Variants in VAT1L observed in about 807,000 individuals in gnomAD.
The protein encoded by VAT1L is putative NADPH-dependent quinone oxidoreductase VAT1L.
VAT1L carries 34 observed loss-of-function variants against 44.1 expected under a neutral mutation model. That is an observed-to-expected ratio of 0.77 (90% CI 0.59 to 1.03). VAT1L has a LOEUF of 1.03. Ranked by LOEUF, VAT1L falls within the 50% of genes least tolerant of loss-of-function variation. The probability of loss-of-function intolerance (pLI) is 0.00; values close to 1 mark genes in which losing one functional copy is unlikely to be tolerated. For missense variants in VAT1L, 615 were observed against 538.8 expected (o/e 1.14, Z -1.40); for synonymous variants, 253 against 202.2 (o/e 1.25, Z -2.13).
intron 8 of VAT1L, among the ~76,000 whole-genome samples, chr16:77,975,194 C>CTTTGTTTT (rs2018323495): frequency 2.5e-5 from 1 of 39,836 alleles, no homozygotes; most frequent in Non-Finnish European, 4.2e-5. Flanking sequence ...GGAATGACCA[C>CTTTGTTTT]TTTTTTTTTT....
At position 77,816,928 on chromosome 16, in the gene VAT1L, A is replaced by C. The variant is rs1217285893; in HGVS notation, c.241A>C (p.Asn81His). 6.2e-7 allele frequency: 1 copy of C among 1,613,254 alleles called. No individual in the cohort carries two copies. The highest frequency in any genetic ancestry group is 1.3e-5 in the African/African-American group (1 of 74,878). ...LKIRVKACGL[N>H]FIDLMVRQGN... ...CACATTTGCTCTTTACAGTGGATTA[A>C]ACTTCATTGACTTGATGGTGCGACA... Residue 81 changes from asparagine (N) to histidine (H), a missense_variant, in exon 2 of 9, where the codon AAC becomes CAC. Transcript: ENST00000302536.
chr16:77,830,129 G>C (rs2927597), intron 3 of VAT1L, among the ~76,000 whole-genome samples: 125,868 of 152,076 alleles, frequency 0.83, 52,203 homozygotes, highest in African/African-American at 0.86. Context: ...TCAGCACTCT[G>C]CCCTCCAGCC....
rs2145246343 is a variant in VAT1L, at chr16:77,825,383, A to G, written c.501A>G (p.Thr167=). The change falls in exon 3 of 9, where the codon ACA becomes ACG. Residue 167 remains threonine, a synonymous_variant. Coordinates refer to ENST00000302536, the MANE Select transcript of VAT1L (RefSeq NM_020927.3). ...CTGCATTCCCCATGAACTTCGTCAC[A>G]GCCTATGTGATGCTGTTTGAAGTTG... The part of the protein sequence containing the change: ...EAAAFPMNFV[T]AYVMLFEVAN... The G allele has an allele frequency of 6.2e-7, 1 of 1,613,862 alleles. No homozygotes were observed. Among genetic ancestry groups the G allele is most frequent in the South Asian group, 1.1e-5 (1 of 90,922 alleles).
chr16:77,808,383 A>T (rs1291036134), intron 1 of VAT1L, among the ~76,000 whole-genome samples: 1 of 152,146 alleles, frequency 6.6e-6, no homozygotes, highest in Non-Finnish European at 1.5e-5. Flanking sequence ...TGAGTTGTAT[A>T]ATTATTTCAT....
At chr16:77,898,923 A>T (rs2017352554) in intron 7 of VAT1L, among the ~76,000 whole-genome samples, 1 of 152,222 alleles carries the variant, frequency 6.6e-6, no homozygotes, top group East Asian at 1.9e-4. Flanking sequence ...TCTGATTACT[A>T]AACTGTTAGC....
chr16:77,898,824 A>G (rs1314338477), intron 7 of VAT1L, among the ~76,000 whole-genome samples: 1 of 152,192 alleles, frequency 6.6e-6, no homozygotes, highest in East Asian at 1.9e-4. Flanking sequence ...CAACTGTGGG[A>G]GCTGCTTTAT....
chr16:77,845,897 G>A (rs373737506), intron 3 of VAT1L, among the ~76,000 whole-genome samples: 1 of 151,838 alleles, frequency 6.6e-6, no homozygotes, highest in Admixed American at 6.6e-5. Context: ...CTGTCCATTC[G>A]TCCATCTGTC....
chr16:77,913,536 T>A (rs2017520537), intron 7 of VAT1L, among the ~76,000 whole-genome samples: 1 of 151,842 alleles, frequency 6.6e-6, no homozygotes, highest in Non-Finnish European at 1.5e-5. Flanking sequence ...TCTACTATGA[T>A]GCTTCCTTCA....
chr16:77,892,004 G>A (rs575628023), intron 7 of VAT1L, among the ~76,000 whole-genome samples: 3 of 152,280 alleles, frequency 2.0e-5, no homozygotes, highest in African/African-American at 7.2e-5. Context: ...CCCGGGAGGC[G>A]GAGGTTGCAG....
intron 3 of VAT1L, among the ~76,000 whole-genome samples, chr16:77,835,115 G>T (rs1228072165): frequency 1.3e-5 from 2 of 151,908 alleles, no homozygotes; most frequent in East Asian, 3.9e-4. Context: ...TTCTTTTTGT[G>T]TCTGGTTCCT....
chr16:77,793,391 A>G (rs2015869951), intron 1 of VAT1L, among the ~76,000 whole-genome samples: 1 of 152,182 alleles, frequency 6.6e-6, no homozygotes, highest in Non-Finnish European at 1.5e-5. Flanking sequence ...TTACTCCTAC[A>G]TAGGAGAAGC....
At chr16:77,891,180 C>T (rs1030080384) in intron 7 of VAT1L, among the ~76,000 whole-genome samples, 1 of 151,916 alleles carries the variant, frequency 6.6e-6, no homozygotes, top group African/African-American at 2.4e-5. Context: ...CGGTGAAACC[C>T]CGTCACTACT....
chr16:77,898,606 G>C (rs1448652179), intron 7 of VAT1L, among the ~76,000 whole-genome samples: 1 of 150,924 alleles, frequency 6.6e-6, no homozygotes, highest in East Asian at 2.0e-4. Context: ...TCATGAGGCT[G>C]TGTGTGCAGG....
intron 3 of VAT1L, among the ~76,000 whole-genome samples, chr16:77,849,947 G>A (rs2016792509): frequency 6.6e-6 from 1 of 152,186 alleles, no homozygotes; most frequent in South Asian, 2.1e-4. Flanking sequence ...TTCAGGGCAG[G>A]TACTTTGAAA....
chr16:77,789,005 G>C, intron 1 of VAT1L, 90 bp downstream of exon 1: 2 of 1,374,932 alleles, frequency 1.5e-6, no homozygotes, highest in Non-Finnish European at 1.9e-6. Context: ...GATGCTGCCC[G>C]GGTAGAACCG....
Position 77,968,598 on chromosome 16 carries a change from G to A in VAT1L, c.1078-3252G>A, listed in dbSNP as rs2018247897. On this transcript the variant is annotated intron_variant, in intron 7 of 8. Transcript: ENST00000302536. ...AAATTAGCCGGGCGTGGTGGCAGGC[G>A]CCTGTAGTCCCAGCTACTCAGGAAG... Among the ~76,000 whole-genome samples, 8 of 152,008 alleles carry A rather than the reference G, an allele frequency of 5.3e-5. No individual in the cohort carries two copies. In the South Asian group the frequency reaches 1.7e-3, roughly 32 times the overall value.
intron 7 of VAT1L, among the ~76,000 whole-genome samples, chr16:77,957,392 G>C (rs983876482): frequency 6.6e-6 from 1 of 152,114 alleles, no homozygotes; most frequent in African/African-American, 2.4e-5. Flanking sequence ...TCCCTGAGTT[G>C]AGGGTTTTGT....
At chr16:77,935,165 C>G (rs2142506006) in intron 7 of VAT1L, among the ~76,000 whole-genome samples, 1 of 152,136 alleles carries the variant, frequency 6.6e-6, no homozygotes, top group South Asian at 2.1e-4. Flanking sequence ...TGTACAGCAT[C>G]TCTGAAAAAA....
chr16:77,976,510 G>T (rs150832375), intron 8 of VAT1L, among the ~76,000 whole-genome samples: 1 of 152,098 alleles, frequency 6.6e-6, no homozygotes, highest in East Asian at 1.9e-4. Context: ...AGATTCAGGG[G>T]CCAAATTCCT....
Sources: allele counts gnomAD v4.1 joint callset (sites outside exome capture counted in the v4.1 genomes callset), GRCh38; gene constraint gnomAD v4.1.1; transcripts MANE v1.5; gene names NCBI Gene and HGNC (gene_info 2026-07-23, HGNC 2026-07-21).